The following AZIN2 variants were observed in gnomAD, a reference collection of about 807,000 sequenced individuals.
The protein encoded by AZIN2 is antizyme inhibitor 2.
Under a neutral mutation model 47.8 loss-of-function variants are expected in AZIN2, and 28 were observed. That is an observed-to-expected ratio of 0.59 (90% CI 0.43 to 0.80). The LOEUF (loss-of-function observed/expected upper bound fraction) is 0.80. Ranked by LOEUF, AZIN2 falls within the 30% of genes least tolerant of loss-of-function variation. The pLI, the probability that AZIN2 is intolerant of heterozygous loss-of-function variation, is 0.00. For synonymous variants in AZIN2, 221 were observed against 239.4 expected, an observed-to-expected ratio of 0.92 and a Z score of 0.71; for missense variants, 535 against 582.5, an observed-to-expected ratio of 0.92 and a Z score of 0.84.
At chr1:33,159,340 T>A in the AZIN2 span, among the ~76,000 whole-genome samples, 1 of 152,126 alleles carries the variant, frequency 6.6e-6, no homozygotes, top group African/African-American at 2.4e-5. The surrounding 1 kb of genome is among the most constrained non-coding windows in gnomAD (Gnocchi z 4.2). Context: ...CTATAATGTA[T>A]ACAGAATATA....
chr1:33,111,633 A>G (rs1201895763), intron 10 of AZIN2, among the ~76,000 whole-genome samples: 2 of 150,294 alleles, frequency 1.3e-5, no homozygotes, highest in African/African-American at 2.5e-5. Flanking sequence ...CCTGAGACGG[A>G]GTCTTTTTCT....
the AZIN2 span, among the ~76,000 whole-genome samples, chr1:33,145,056 A>G: frequency 2.0e-5 from 3 of 152,178 alleles, no homozygotes; most frequent in Non-Finnish European, 4.4e-5. Flanking sequence ...ATTTGAGCTG[A>G]GGTCTGTGTG....
intron 10 of AZIN2, among the ~76,000 whole-genome samples, chr1:33,103,813 C>T (rs1000654773): frequency 1.3e-5 from 2 of 151,986 alleles, no homozygotes; most frequent in Admixed American, 1.3e-4. Flanking sequence ...GGTCTCACAT[C>T]TGTTCATATC....
At chr1:33,118,193 C>G in intron 11 of AZIN2, 77 bp downstream of exon 11, 1 of 1,426,208 alleles carries the variant, frequency 7.0e-7, no homozygotes, top group Non-Finnish European at 9.3e-7. Flanking sequence ...ATTTGAGATT[C>G]TGCTTCTGTG....
the AZIN2 span, chr1:33,164,730 G>A: frequency 6.6e-6 from 1 of 152,214 alleles, no homozygotes. Flanking sequence ...GGGCTTCGAG[G>A]GGACATGCTC....
In AZIN2 at chr1:33,120,065, G is replaced by C; in HGVS notation, c.1266G>C (p.Leu422=). 1 of 1,614,042 alleles carries C rather than the reference G, an allele frequency of 6.2e-7. No homozygotes were observed. The highest frequency in any genetic ancestry group is 8.5e-7 in the Non-Finnish European group (1 of 1,179,966). The part of the protein sequence containing the change: ...RVAWEALRRQ[L]MAAEQEDDVE... The stretch of plus-strand genomic sequence containing the variant: ...CTAGGGAAGCGCTGCGAAGGCAGCT[G>C]ATGGCTGCAGAACAGGAGGATGACG... The change falls in exon 12 of 12, where the codon CTG becomes CTC. Residue 422 remains leucine, a synonymous_variant. Coordinates refer to ENST00000294517, the MANE Select transcript of AZIN2 (RefSeq NM_052998.4).
intron 9 of AZIN2, 49 bp from the exon 10 acceptor site, chr1:33,098,006 GCCCCACTACCAC>G: frequency 7.9e-7 from 1 of 1,261,086 alleles, no homozygotes; most frequent in Non-Finnish European, 1.2e-6. Flanking sequence ...TGTTGTGTCA[GCCCCACTACCAC>G]CCCCTCACAT....
the AZIN2 span, among the ~76,000 whole-genome samples, chr1:33,160,524 C>A: frequency 1.3e-5 from 2 of 152,064 alleles, no homozygotes; most frequent in African/African-American, 4.8e-5. Context: ...CCAGCCTCAG[C>A]CTCCCTAGTA....
At chr1:33,087,653 G>A (rs938063604) in intron 5 of AZIN2, among the ~76,000 whole-genome samples, 11 of 151,226 alleles carry the variant, frequency 7.3e-5, no homozygotes, top group African/African-American at 2.4e-4. Flanking sequence ...GGCCAGGCTG[G>A]TCTTGAACTC....
Position 33,122,158 on chromosome 1 carries a change from AG to A in AZIN2, c.*1979del, listed in dbSNP as rs1413362670. Among the ~76,000 whole-genome samples, 1 of 152,138 alleles carries A rather than the reference AG, an allele frequency of 6.6e-6. No homozygotes were observed. Among genetic ancestry groups the A allele is most frequent in the Admixed American group, 6.5e-5 (1 of 15,280 alleles). On this transcript the variant is annotated 3_prime_UTR_variant, in exon 12 of 12. Transcript: ENST00000294517. ...AAGCACTCATACTTCTTTTGCGGAG[AG>A]GGACATAGGTTTTCTGCTGGAACCA...
chr1:33,099,339 A>G (rs1386731196), intron 10 of AZIN2, among the ~76,000 whole-genome samples: 1 of 151,616 alleles, frequency 6.6e-6, no homozygotes, highest in African/African-American at 2.4e-5. Flanking sequence ...GCCTCACTCC[A>G]TGGTTAAATG....
chr1:33,125,611 T>G (rs1644850990), downstream of AZIN2, among the ~76,000 whole-genome samples: 1 of 152,350 alleles, frequency 6.6e-6, no homozygotes, highest in African/African-American at 2.4e-5. Flanking sequence ...CACCAACTTA[T>G]GTGGTCATAT....
chr1:33,099,737 G>A (rs1013702049), intron 10 of AZIN2, among the ~76,000 whole-genome samples: 5 of 152,202 alleles, frequency 3.3e-5, no homozygotes, highest in Non-Finnish European at 5.9e-5. Context: ...CCTGAACGAT[G>A]CTGCGGTTTC....
chr1:33,139,160 C>G, the AZIN2 span, among the ~76,000 whole-genome samples: 7 of 152,290 alleles, frequency 4.6e-5, no homozygotes, highest in South Asian at 1.5e-3. Context: ...TTCCTAGTCT[C>G]TGCCTCTTTT....
chr1:33,087,039 A>G (rs949102193), intron 5 of AZIN2, among the ~76,000 whole-genome samples: 8 of 152,224 alleles, frequency 5.3e-5, no homozygotes. Flanking sequence ...AATACATGCA[A>G]ATAACACATT....
At chr1:33,149,542 A>G in the AZIN2 span, among the ~76,000 whole-genome samples, 5 of 151,484 alleles carry the variant, frequency 3.3e-5, no homozygotes, top group Non-Finnish European at 7.4e-5. Context: ...GGAGCCTCCA[A>G]CTCCTAGGCT....
chr1:33,094,750 T>C (rs1307671685), intron 8 of AZIN2, 37 bp downstream of exon 8: 2 of 1,609,188 alleles, frequency 1.2e-6, no homozygotes, highest in Admixed American at 3.3e-5. Context: ...CTGGGCTCTA[T>C]GGCGGGGAGG....
At chr1:33,118,297 T>C (rs1461862389) in intron 11 of AZIN2, 181 bp downstream of exon 11, 2 of 615,208 alleles carry the variant, frequency 3.3e-6, no homozygotes, top group South Asian at 2.8e-5. Context: ...TGGGCTTTCC[T>C]AGAGGAGCTC....
rs1643184289 is a variant in AZIN2, at chr1:33,096,630, C to G, written c.754-77C>G. 3 of 1,550,316 alleles carry G rather than the reference C, an allele frequency of 1.9e-6. No homozygotes were observed. In the South Asian group the frequency reaches 3.4e-5, roughly 18 times the overall value. On this transcript the variant is annotated intron_variant, in intron 8 of 11. Coordinates refer to ENST00000294517, the MANE Select transcript of AZIN2 (RefSeq NM_052998.4). ...ATCAAAGCAGCTTTCAAGAAATAGA[C>G]TTGGAGCTGTAGCAAGTCTTCAGCA...
Sources: allele counts gnomAD v4.1 joint callset (sites outside exome capture counted in the v4.1 genomes callset), GRCh38; gene constraint gnomAD v4.1.1; non-coding constraint Gnocchi (gnomAD v3.1); transcripts MANE v1.5; gene names NCBI Gene and HGNC (gene_info 2026-07-23, HGNC 2026-07-21).